The following FAM120B variants were observed in gnomAD, a reference collection of about 807,000 sequenced individuals.
FAM120B encodes the protein constitutive coactivator of peroxisome proliferator-activated receptor gamma.
A neutral mutation model predicts 96.3 loss-of-function variants in FAM120B; 83 were observed. The observed-to-expected ratio is 0.86, with a 90% CI of 0.72 to 1.03. The LOEUF (loss-of-function observed/expected upper bound fraction) is 1.03. Ranked by LOEUF, FAM120B falls within the 50% of genes least tolerant of loss-of-function variation. The pLI, the probability that FAM120B is intolerant of heterozygous loss-of-function variation, is 0.00. For missense variants in FAM120B, 1,027 were observed against 1,121.2 expected (o/e 0.92, Z 1.20); for synonymous variants, 407 against 402.7 (o/e 1.01, Z -0.13).
At chr6:170,390,416 T>G (rs1229202923) in intron 7 of FAM120B, among the ~76,000 whole-genome samples, 1 of 152,132 alleles carries the variant, frequency 6.6e-6, no homozygotes, top group East Asian at 1.9e-4. Flanking sequence ...CCATCAAGGA[T>G]CTTTTCCTTT....
intron 1 of FAM120B, among the ~76,000 whole-genome samples, chr6:170,296,390 G>A (rs1483926311): frequency 6.6e-6 from 1 of 152,110 alleles, no homozygotes; most frequent in East Asian, 1.9e-4. Flanking sequence ...AAGGCCCAAA[G>A]CGCGAGGGCA....
At chr6:170,316,100 G>C (rs1330979758) in intron 1 of FAM120B, among the ~76,000 whole-genome samples, 5 of 140,440 alleles carry the variant, frequency 3.6e-5, no homozygotes, top group Non-Finnish European at 7.7e-5. Flanking sequence ...ATTCTTAAAA[G>C]ATAGTCCTGT....
chr6:170,348,345 T>C (rs949179631), intron 5 of FAM120B, 22 bp downstream of exon 5: 1 of 1,609,538 alleles, frequency 6.2e-7, no homozygotes, highest in African/African-American at 1.3e-5. Flanking sequence ...CTGCCCGTTC[T>C]AGTCACTGCA....
chr6:170,375,025 C>T (rs2115263775), intron 6 of FAM120B, among the ~76,000 whole-genome samples: 1 of 152,376 alleles, frequency 6.6e-6, no homozygotes, highest in South Asian at 2.1e-4. Flanking sequence ...GAGATCACCA[C>T]AACCCACAGA....
At chr6:170,386,031 A>G (rs1203283582) in intron 6 of FAM120B, among the ~76,000 whole-genome samples, 1 of 152,208 alleles carries the variant, frequency 6.6e-6, no homozygotes, top group Non-Finnish European at 1.5e-5. Context: ...GCTCCAGATG[A>G]TGCTCTCATG....
At chr6:170,334,531 G>A (rs1238977556) in intron 4 of FAM120B, among the ~76,000 whole-genome samples, 3 of 144,010 alleles carry the variant, frequency 2.1e-5, no homozygotes, top group Non-Finnish European at 4.5e-5. Flanking sequence ...GTTTCTGTGA[G>A]TGGTAAAAGG....
chr6:170,318,335 C>T lies in FAM120B; in HGVS notation c.945C>T (p.Phe315=). ...LLPGQKSPWF[F]QKPKGVITLD... ...CAGGACAAAAATCTCCATGGTTTTT[C>T]CAAAAACCCAAAGGTGTAATAACTT... is the stretch of plus-strand genomic sequence containing the variant. Residue 315 remains phenylalanine (F), a synonymous_variant, in exon 2 of 11, where the codon TTC becomes TTT. Transcript: ENST00000476287. 6.2e-7 allele frequency: 1 copy of T among 1,614,054 alleles called. No homozygotes were observed. The highest frequency in any genetic ancestry group is 8.5e-7 in the Non-Finnish European group (1 of 1,180,004).
At chr6:170,393,148 C>A (rs374699003) in intron 8 of FAM120B, among the ~76,000 whole-genome samples, 576 of 119,494 alleles carry the variant, frequency 4.8e-3, no homozygotes, top group East Asian at 0.017. Context: ...CCTGTCTTTA[C>A]AAAAAAAAAA....
At chr6:170,390,546 T>C (rs1330908058) in intron 7 of FAM120B, among the ~76,000 whole-genome samples, 3 of 152,212 alleles carry the variant, frequency 2.0e-5, no homozygotes, top group Non-Finnish European at 4.4e-5. Context: ...GGTTGAATGT[T>C]CCATGTTCCA....
chr6:170,398,343 T>C (rs941503016), intron 9 of FAM120B, among the ~76,000 whole-genome samples: 12 of 152,240 alleles, frequency 7.9e-5, no homozygotes, highest in Non-Finnish European at 1.8e-4. Flanking sequence ...GTCATAACTC[T>C]TAGGAGTGAG....
At chr6:170,396,349 G>A (rs189847022) in intron 9 of FAM120B, among the ~76,000 whole-genome samples, 13 of 152,274 alleles carry the variant, frequency 8.5e-5, no homozygotes, top group African/African-American at 2.4e-4. Flanking sequence ...CTGCGGGGCC[G>A]CACATCTGTT....
intron 1 of FAM120B, among the ~76,000 whole-genome samples, chr6:170,301,333 G>C (rs1373706351): frequency 2.0e-5 from 3 of 152,252 alleles, no homozygotes; most frequent in Non-Finnish European, 4.4e-5. Context: ...CTGGGATGCA[G>C]GGCACCAAGT....
chr6:170,358,162 C>T (rs1322819806), intron 5 of FAM120B, 64 bp from the exon 6 acceptor site: 1 of 1,363,396 alleles, frequency 7.3e-7, no homozygotes, highest in Non-Finnish European at 1.0e-6. Context: ...TAACTGAGAT[C>T]AATTTGTAAG....
intron 5 of FAM120B, among the ~76,000 whole-genome samples, chr6:170,352,617 A>G (rs1787652086): frequency 6.6e-6 from 1 of 152,350 alleles, no homozygotes; most frequent in South Asian, 2.1e-4. Flanking sequence ...ACTCAAGATT[A>G]AGAAATTCAC....
At chr6:170,403,230 A>C (rs1778676374) in intron 9 of FAM120B, among the ~76,000 whole-genome samples, 1 of 152,234 alleles carries the variant, frequency 6.6e-6, no homozygotes, top group South Asian at 2.1e-4. Flanking sequence ...TATGTTATAC[A>C]CACATGCACA....
intron 6 of FAM120B, among the ~76,000 whole-genome samples, chr6:170,361,768 A>G (rs954826055): frequency 1.3e-5 from 2 of 152,126 alleles, no homozygotes; most frequent in Admixed American, 6.5e-5. Context: ...ATACGTATAG[A>G]TGTATGTAGG....
chr6:170,406,979 TGTAA>T lies in FAM120B; in HGVS notation c.*2233_*2236del, dbSNP rs1429822123. 1 of 152,234 alleles carries T rather than the reference TGTAA, an allele frequency of 6.6e-6. No individual in the cohort carries two copies. Among genetic ancestry groups the T allele is most frequent in the African/African-American group, 2.4e-5 (1 of 41,466 alleles). 9.4% of individuals were successfully genotyped at this position (152,234 alleles called of 1,614,324 possible). A position where few individuals can be genotyped will look rare whatever the true frequency, so the allele number is the denominator to read the frequency against. On this transcript the variant is annotated 3_prime_UTR_variant, in exon 11 of 11. Transcript: ENST00000476287. Reference sequence around the variant, plus strand: ...AGCTGAATTTTTTGTCATTCTAAGTTGTAAGTAACACTGCAGTCAAGTCTTCTGA... The same window carrying T: ...AGCTGAATTTTTTGTCATTCTAAGTTGTAACACTGCAGTCAAGTCTTCTGA...
chr6:170,394,806 T>G (rs1044939854), intron 8 of FAM120B, among the ~76,000 whole-genome samples: 2 of 152,270 alleles, frequency 1.3e-5, no homozygotes, highest in Non-Finnish European at 2.9e-5. Flanking sequence ...GCCTGCACAC[T>G]GCATGTGTGG....
chr6:170,318,366 A>G lies in FAM120B; in HGVS notation c.976A>G (p.Lys326Glu), dbSNP rs145364557. The G allele has an allele frequency of 2.3e-5, 37 of 1,614,128 alleles. No homozygotes were observed. Among genetic ancestry groups the G allele is most frequent in the Non-Finnish European group, 1.9e-5 (23 of 1,180,058 alleles). Residue 326 changes from lysine (K) to glutamate (E), a missense_variant, in exon 2 of 11, where the codon AAA becomes GAA. By Grantham distance (56) the Lys-to-Glu change is moderately conservative. Transcript: ENST00000476287. Reference sequence around the variant, plus strand: ...ACCCAAAGGTGTAATAACTTTGGACAAACAAGTAATATCCACGAGTTCAGA... The same window carrying G: ...ACCCAAAGGTGTAATAACTTTGGACGAACAAGTAATATCCACGAGTTCAGA... ...QKPKGVITLD[K>E]QVISTSSDAE... is the part of the protein sequence containing the mutation.
Sources: gnomAD v4.1 joint callset for allele counts (sites outside exome capture counted in the v4.1 genomes callset) on GRCh38, gnomAD v4.1.1 for gene constraint, MANE v1.5 for transcripts, NCBI Gene and HGNC (gene_info 2026-07-23, HGNC 2026-07-21) for gene names.